The following UTRN variants were observed in gnomAD, a reference collection of about 807,000 sequenced individuals.
The protein encoded by UTRN is utrophin.
A neutral mutation model predicts 463.9 loss-of-function variants in UTRN; 283 were observed. That is an observed-to-expected ratio of 0.61 (90% CI 0.55 to 0.67). The LOEUF (loss-of-function observed/expected upper bound fraction) is 0.67, where lower values mean the gene tolerates loss of function less well. Among genes scored for constraint, UTRN ranks in the 30% least tolerant of loss-of-function variants. The pLI is 0.00. For synonymous variants in UTRN, 1,442 were observed against 1,431.5 expected (o/e 1.01, Z -0.17); for missense variants, 3,922 against 4,084.3 (o/e 0.96, Z 1.08).
chr6:144,462,061 A>G (rs1190080043), intron 22 of UTRN, among the ~76,000 whole-genome samples: 1 of 151,722 alleles, frequency 6.6e-6, no homozygotes, highest in Non-Finnish European at 1.5e-5. Flanking sequence ...CCCTCCCACC[A>G]TGCCCCACCC....
chr6:144,434,079 G>A (rs569234822), intron 9 of UTRN, among the ~76,000 whole-genome samples: 1 of 152,364 alleles, frequency 6.6e-6, no homozygotes, highest in South Asian at 2.1e-4. Flanking sequence ...ACTAGACTCC[G>A]TCTGCAATCC....
At chr6:144,299,215 G>A (rs1805018926) in intron 2 of UTRN, among the ~76,000 whole-genome samples, 2 of 152,134 alleles carry the variant, frequency 1.3e-5, no homozygotes, top group Non-Finnish European at 2.9e-5. Flanking sequence ...TCAGATATGT[G>A]GGGTGGGGTC....
At chr6:144,620,977 TTAG>T (rs1251873982) in intron 51 of UTRN, among the ~76,000 whole-genome samples, 1 of 152,084 alleles carries the variant, frequency 6.6e-6, no homozygotes, top group East Asian at 1.9e-4. Context: ...CAGTGTGGTA[TTAG>T]TAGGGTTAAT....
chr6:144,772,396 C>T (rs979522855), intron 59 of UTRN, among the ~76,000 whole-genome samples: 2 of 152,046 alleles, frequency 1.3e-5, no homozygotes, highest in Non-Finnish European at 2.9e-5. Context: ...TTAAAAGAAT[C>T]ATGTCATTGA....
intron 53 of UTRN, among the ~76,000 whole-genome samples, chr6:144,726,912 CTA>C (rs1787939017): frequency 6.6e-6 from 1 of 152,184 alleles, no homozygotes; most frequent in African/African-American, 2.4e-5. Flanking sequence ...AGTATCCTTT[CTA>C]TAGACCAATA....
In UTRN at chr6:144,782,054, A is replaced by AT; in HGVS notation, c.8766dup (p.Lys2923Ter). 1 of 1,614,066 alleles carries AT rather than the reference A, an allele frequency of 6.2e-7. No individual in the cohort carries two copies. Among genetic ancestry groups the AT allele is most frequent in the Admixed American group, 1.7e-5 (1 of 60,020 alleles). ...ACTTATGATGGACTTGAGCAAATGC[A>AT]TAAGGACCTGGTCAACGTTCCACTC... On this transcript the variant is annotated frameshift_variant, in exon 61 of 75. Coordinates refer to ENST00000367545, the MANE Select transcript of UTRN (RefSeq NM_007124.3). LOFTEE classifies it high-confidence loss of function.
intron 34 of UTRN, among the ~76,000 whole-genome samples, chr6:144,504,798 C>G (rs987579099): frequency 1.3e-5 from 2 of 152,186 alleles, no homozygotes; most frequent in Admixed American, 6.5e-5. Context: ...AGGAGTCCCT[C>G]TCTTTCTATT....
At chr6:144,656,293 G>A (rs183579137) in intron 51 of UTRN, among the ~76,000 whole-genome samples, 1 of 152,092 alleles carries the variant, frequency 6.6e-6, no homozygotes, top group Non-Finnish European at 1.5e-5. Context: ...TCTATTTTTT[G>A]TTTTAATAAT....
chr6:144,501,453 T>C (rs1050124477), intron 34 of UTRN, among the ~76,000 whole-genome samples: 1 of 152,122 alleles, frequency 6.6e-6, no homozygotes, highest in East Asian at 1.9e-4. Context: ...TTTTTTTTCA[T>C]TTTTTTGAGC....
intron 73 of UTRN, among the ~76,000 whole-genome samples, chr6:144,844,062 A>C (rs1007310526): frequency 5.3e-5 from 8 of 152,162 alleles, no homozygotes; most frequent in Non-Finnish European, 1.5e-5. Context: ...TTGGCTTCTG[A>C]AAGTTCTGCT....
At chr6:144,488,423 G>A (rs1369270694) in intron 29 of UTRN, among the ~76,000 whole-genome samples, 1 of 152,006 alleles carries the variant, frequency 6.6e-6, no homozygotes, top group African/African-American at 2.4e-5. Flanking sequence ...CATCTTATGG[G>A]AAACCTTTAC....
At chr6:144,708,208 A>G in intron 53 of UTRN, 1 of 594,552 alleles carries the variant, frequency 1.7e-6, no homozygotes. Context: ...AATTGCTTGA[A>G]GAGAATCTTG....
chr6:144,775,499 C>T (rs138377655), intron 60 of UTRN, among the ~76,000 whole-genome samples: 78 of 152,222 alleles, frequency 5.1e-4, no homozygotes, highest in Non-Finnish European at 6.6e-4. Context: ...CAGAATTACC[C>T]GGACAAAGAA....
At chr6:144,616,458 G>A (rs1806110812) in intron 51 of UTRN, among the ~76,000 whole-genome samples, 1 of 151,592 alleles carries the variant, frequency 6.6e-6, no homozygotes, top group South Asian at 2.1e-4. Context: ...TAATGCTAAT[G>A]ACAAATATAA....
chr6:144,393,877 C>T (rs189119367), intron 2 of UTRN, among the ~76,000 whole-genome samples: 3 of 152,220 alleles, frequency 2.0e-5, no homozygotes, highest in Admixed American at 2.0e-4. Flanking sequence ...ATGTCTAATC[C>T]TGACGAGCTG....
chr6:144,403,085 T>C, intron 2 of UTRN, 38 bp from the exon 3 acceptor site: 1 of 1,580,914 alleles, frequency 6.3e-7, no homozygotes, highest in Non-Finnish European at 8.7e-7. Context: ...GTACAGACTC[T>C]CATACTTTTT....
At chr6:144,404,871 C>T (rs922934615) in intron 3 of UTRN, among the ~76,000 whole-genome samples, 1 of 152,170 alleles carries the variant, frequency 6.6e-6, no homozygotes, top group South Asian at 2.1e-4. Context: ...TCAAAGAAAA[C>T]AAAATCTGGT....
intron 53 of UTRN, among the ~76,000 whole-genome samples, chr6:144,713,443 TAAA>T (rs34428268): frequency 7.0e-6 from 1 of 143,416 alleles, no homozygotes. Flanking sequence ...CCATCTCTAC[TAAA>T]AAAAAAAAAT....
chr6:144,294,174 T>A (rs1804489366), intron 2 of UTRN, among the ~76,000 whole-genome samples: 1 of 152,146 alleles, frequency 6.6e-6, no homozygotes, highest in Non-Finnish European at 1.5e-5. Context: ...GCCAAGGTTA[T>A]GACTATTACT....
Sources: allele counts gnomAD v4.1 joint callset (sites outside exome capture counted in the v4.1 genomes callset), GRCh38; gene constraint gnomAD v4.1.1; transcripts MANE v1.5; gene names NCBI Gene and HGNC (gene_info 2026-07-23, HGNC 2026-07-21).